MRPL37: variants seen among roughly 807,000 people sequenced by gnomAD.
The protein encoded by MRPL37 is large ribosomal subunit protein mL37.
In MRPL37, 34 loss-of-function variants were observed where a neutral mutation model predicts 44.1. The ratio of observed to expected loss-of-function variants is 0.77; its 90% CI spans 0.59 to 1.03. The LOEUF is 1.03. Ranked by LOEUF, MRPL37 falls within the 50% of genes least tolerant of loss-of-function variation. The pLI is 0.00. For synonymous variants in MRPL37, 212 were observed against 219.5 expected, an observed-to-expected ratio of 0.97 and a Z score of 0.30; for missense variants, 532 against 543.7, an observed-to-expected ratio of 0.98 and a Z score of 0.21.
At chr1:54,213,962 T>C (rs558061485) in intron 5 of MRPL37, among the ~76,000 whole-genome samples, 35 of 145,722 alleles carry the variant, frequency 2.4e-4, no homozygotes, top group African/African-American at 8.4e-4. Context: ...GTGGGAGGAT[T>C]ACTTGAGGCC....
Position 54,212,596 on chromosome 1 carries a change from C to T in MRPL37, c.928C>T (p.Arg310Trp), listed in dbSNP as rs149457371. 1.0e-4 allele frequency: 161 copies of T among 1,614,216 alleles called. No homozygotes were observed. Among genetic ancestry groups the T allele is most frequent in the African/African-American group, 6.8e-4 (51 of 75,048 alleles). The change falls in exon 5 of 7, where the codon CGG becomes TGG. Residue 310 changes from arginine to tryptophan, a missense_variant. Transcript: ENST00000360840. ...ACACCGCCTTCAACCAGATCAGCTGCGGGCCAAGATGATCCTGTTTGCTTT... is the reference window on the plus strand; with the variant it reads ...ACACCGCCTTCAACCAGATCAGCTGTGGGCCAAGATGATCCTGTTTGCTTT... ...RPHRLQPDQL[R>W]AKMILFAFGS...
At chr1:54,218,455 C>A, downstream of MRPL37, 1 of 1,303,986 alleles carries the variant, frequency 7.7e-7, no homozygotes, top group Non-Finnish European at 1.0e-6. Context: ...CCTGACCTGC[C>A]CCAGCTGAAG....
chr1:54,202,147 G>A (rs991006835), intron 1 of MRPL37, among the ~76,000 whole-genome samples: 4 of 151,970 alleles, frequency 2.6e-5, no homozygotes, highest in East Asian at 3.9e-4. Context: ...GACCACAGGC[G>A]CATGCCACCA....
chr1:54,212,441 A>G, intron 4 of MRPL37, 60 bp from the exon 5 acceptor site: 1 of 1,586,708 alleles, frequency 6.3e-7, no homozygotes, highest in Non-Finnish European at 8.6e-7. Context: ...GACTTTCCTG[A>G]GGCTTTGTGG....
downstream of MRPL37, among the ~76,000 whole-genome samples, chr1:54,224,260 C>CA (rs1436263233): frequency 6.6e-6 from 1 of 152,216 alleles, no homozygotes; most frequent in Non-Finnish European, 1.5e-5. Flanking sequence ...CTGTACTCAG[C>CA]AAAAGCCTAG....
rs780386186 is a variant in MRPL37, at chr1:54,200,552, C to G, written c.309C>G (p.Ala103=). The change falls in exon 1 of 7, where the codon GCC becomes GCG. Residue 103 remains alanine (A), a synonymous_variant. Transcript: ENST00000360840. ...LHEHPLYKDQ[A]CYIFHHRCRL... ...AGCATCCGCTGTACAAAGACCAGGC[C>G]TGCTATATCTTTCACCACCGTTGCC... The G allele has an allele frequency of 1.9e-6, 3 of 1,605,950 alleles. No homozygotes were observed. The highest frequency in any genetic ancestry group is 2.6e-6 in the Non-Finnish European group (3 of 1,173,448).
chr1:54,200,673 T>C lies in MRPL37; in HGVS notation c.346+84T>C. The C allele has an allele frequency of 1.8e-5, 25 of 1,397,472 alleles. 1 individual carries two copies. Among genetic ancestry groups the C allele is most frequent in the Non-Finnish European group, 2.3e-5 (24 of 1,030,500 alleles). The allele number at this position is 1,397,472 out of a possible 1,614,324, so 86.6% of individuals were successfully genotyped here. On this transcript the variant is annotated intron_variant, in intron 1 of 6. Coordinates refer to ENST00000360840, the MANE Select transcript of MRPL37 (RefSeq NM_016491.4). ...CCCTCTGTGGCTTTGGGCAAGACAT[T>C]GAAACTCTGTGGGTCTTGGTTTCTT...
At chr1:54,219,547 C>T (rs1208030947), downstream of MRPL37, among the ~76,000 whole-genome samples, 3 of 152,140 alleles carry the variant, frequency 2.0e-5, no homozygotes, top group Admixed American at 6.5e-5. Flanking sequence ...CACCAAGCAC[C>T]TCACCTCCTA....
chr1:54,219,185 CT>C (rs1408835716), downstream of MRPL37, among the ~76,000 whole-genome samples: 1 of 152,246 alleles, frequency 6.6e-6, no homozygotes, highest in African/African-American at 2.4e-5. Context: ...ACAAACACCC[CT>C]GGCCTGGCAC....
Position 54,210,005 on chromosome 1 carries a change from C to T in MRPL37, c.706C>T (p.Leu236=). Residue 236 remains leucine (L), a synonymous_variant, in exon 4 of 7, where the codon CTG becomes TTG. Coordinates refer to ENST00000360840, the MANE Select transcript of MRPL37 (RefSeq NM_016491.4). Reference sequence around the variant, plus strand: ...AGCCCGACTGAGCACTAAGGATCCTCTGCCCACCATCGCCTCCAGAGAGGA... The same window carrying T: ...AGCCCGACTGAGCACTAAGGATCCTTTGCCCACCATCGCCTCCAGAGAGGA... ...GGARLSTKDP[L]PTIASREEIE... 6.2e-7 allele frequency: 1 copy of T among 1,614,226 alleles called. No homozygotes were observed. The highest frequency in any genetic ancestry group is 1.3e-5 in the African/African-American group (1 of 75,056).
intron 6 of MRPL37, among the ~76,000 whole-genome samples, chr1:54,217,194 G>A (rs1052171122): frequency 1.3e-5 from 2 of 152,144 alleles, no homozygotes; most frequent in Non-Finnish European, 2.9e-5. Context: ...AAATGGAGTC[G>A]CTGAGCCTTT....
At chr1:54,216,656 C>T (rs1177650094) in intron 6 of MRPL37, among the ~76,000 whole-genome samples, 3 of 152,170 alleles carry the variant, frequency 2.0e-5, no homozygotes, top group Non-Finnish European at 4.4e-5. Context: ...AGGCTTCTTG[C>T]CTTCTCCCCT....
rs1644153091 is a variant in MRPL37, at chr1:54,210,033, T to C, written c.734T>C (p.Ile245Thr). The change falls in exon 4 of 7, where the codon ATT (isoleucine) becomes ACT (threonine). Residue 245 changes from isoleucine (I) to threonine (T), a missense_variant. Coordinates refer to ENST00000360840, the MANE Select transcript of MRPL37 (RefSeq NM_016491.4). ...CCCACCATCGCCTCCAGAGAGGAGA[T>C]TGAAGCTACTAAGAATCATGTTCTA... ...PLPTIASREEIEATKNHVLET... is the reference protein window; with the variant it reads ...PLPTIASREETEATKNHVLET... The C allele has an allele frequency of 1.2e-6, 2 of 1,614,176 alleles. No homozygotes were observed. Among genetic ancestry groups the C allele is most frequent in the Non-Finnish European group, 1.7e-6 (2 of 1,180,030 alleles).
Position 54,200,182 on chromosome 1 carries a change from C to A in MRPL37, c.-62C>A, listed in dbSNP as rs1274545652. 3.4e-6 allele frequency: 5 copies of A among 1,472,210 alleles called. No homozygotes were observed. Among genetic ancestry groups the A allele is most frequent in the African/African-American group, 1.4e-5 (1 of 71,024 alleles). 91.2% of individuals were successfully genotyped at this position (1,472,210 alleles called of 1,614,324 possible). On this transcript the variant is annotated 5_prime_UTR_variant, in exon 1 of 7. Coordinates refer to ENST00000360840, the MANE Select transcript of MRPL37 (RefSeq NM_016491.4). ...GGCGCCCGGTCTCATTCGTTCCCAG[C>A]AGGCCCTGCGCGCGGCAACATGGCG...
chr1:54,212,428 G>A, intron 4 of MRPL37, 73 bp from the exon 5 acceptor site: 1 of 1,556,874 alleles, frequency 6.4e-7, no homozygotes, highest in East Asian at 2.3e-5. Context: ...GCTAAGGCGA[G>A]GTGACTTTCC....
downstream of MRPL37, chr1:54,225,145 C>G: frequency 8.1e-7 from 1 of 1,234,322 alleles, no homozygotes; most frequent in Non-Finnish European, 1.0e-6. Flanking sequence ...GACATTCCAG[C>G]GGACCAAAAT....
At chr1:54,206,110 A>T (rs1014786426) in intron 3 of MRPL37, among the ~76,000 whole-genome samples, 5 of 151,134 alleles carry the variant, frequency 3.3e-5, no homozygotes, top group African/African-American at 1.2e-4. Flanking sequence ...TTATTTATTT[A>T]TTTTATTTAT....
At chr1:54,207,106 C>T (rs1457180386) in intron 3 of MRPL37, among the ~76,000 whole-genome samples, 2 of 152,206 alleles carry the variant, frequency 1.3e-5, no homozygotes, top group Admixed American at 1.3e-4. Flanking sequence ...TCACTCAAGC[C>T]CCCCTTCTCT....
chr1:54,218,407 C>CA, downstream of MRPL37: 1 of 1,487,404 alleles, frequency 6.7e-7, no homozygotes, highest in African/African-American at 1.4e-5. Flanking sequence ...ATGAGGGTGC[C>CA]ATCGGGAAGG....
Sources: gnomAD v4.1 joint callset for allele counts (sites outside exome capture counted in the v4.1 genomes callset) on GRCh38, gnomAD v4.1.1 for gene constraint, MANE v1.5 for transcripts, NCBI Gene and HGNC (gene_info 2026-07-23, HGNC 2026-07-21) for gene names.